RAD51B: variants seen among roughly 807,000 people sequenced by gnomAD.
The protein encoded by RAD51B is RAD51 paralog B.
A neutral mutation model predicts 42.2 loss-of-function variants in RAD51B; 38 were observed. The ratio of observed to expected loss-of-function variants is 0.90; its 90% CI spans 0.70 to 1.18. The LOEUF (loss-of-function observed/expected upper bound fraction) is 1.18, where lower values mean the gene tolerates loss of function less well. RAD51B is among the 50% of genes most tolerant of loss of function. The probability of loss-of-function intolerance (pLI) is 0.00; values close to 1 mark genes in which losing one functional copy is unlikely to be tolerated. For synonymous variants in RAD51B, 154 were observed against 145.2 expected, an observed-to-expected ratio of 1.06 and a Z score of -0.43; for missense variants, 373 against 400.7, an observed-to-expected ratio of 0.93 and a Z score of 0.59.
Position 68,095,971 on chromosome 14 carries a change from C to CAA in RAD51B, c.757-195889_757-195888dup, listed in dbSNP as rs56862052. On this transcript the variant is annotated intron_variant, in intron 7 of 10. Transcript: ENST00000471583. The stretch of plus-strand genomic sequence containing the variant: ...TGGGTGACAGAGTGAGACTCCGTCT[C>CAA]AAAAAAAAAAAAAAAAAAAAAAAAA... Among the ~76,000 whole-genome samples the CAA allele has an allele frequency of 8.8e-3, 549 of 62,126 alleles. 14 individuals carry two copies. Among genetic ancestry groups the CAA allele is most frequent in the African/African-American group, 0.015 (291 of 19,560 alleles). The allele number at this position is 62,126 out of a possible 152,430, so 40.8% of individuals were successfully genotyped here.
intron 8 of RAD51B, among the ~76,000 whole-genome samples, chr14:68,332,221 C>A (rs1163262478): frequency 1.3e-5 from 2 of 152,168 alleles, no homozygotes; most frequent in Non-Finnish European, 2.9e-5. Flanking sequence ...GTATTACCCA[C>A]CCATCCCCCA....
intron 7 of RAD51B, among the ~76,000 whole-genome samples, chr14:68,218,831 T>C (rs942444945): frequency 7.9e-5 from 12 of 152,188 alleles, no homozygotes; most frequent in African/African-American, 2.7e-4. Context: ...GGAGAGTGTA[T>C]ATATATTATC....
At chr14:68,178,253 G>A (rs564274793) in intron 7 of RAD51B, among the ~76,000 whole-genome samples, 8 of 152,250 alleles carry the variant, frequency 5.3e-5, no homozygotes, top group African/African-American at 1.9e-4. Context: ...TTGTTTTCCA[G>A]TGACCCAATT....
At chr14:68,428,759 ATATAT>A (rs2084922162) in intron 9 of RAD51B, among the ~76,000 whole-genome samples, 1 of 67,994 alleles carries the variant, frequency 1.5e-5, no homozygotes, top group African/African-American at 5.5e-5. Flanking sequence ...ATATATATAT[ATATAT>A]AATTATTATA....
chr14:68,555,238 T>A (rs1324857079), intron 10 of RAD51B, among the ~76,000 whole-genome samples: 1 of 152,256 alleles, frequency 6.6e-6, no homozygotes, highest in African/African-American at 2.4e-5. Context: ...CCCCTTGTTC[T>A]GTGTTAAATG....
chr14:68,253,326 C>T (rs1444352783), intron 7 of RAD51B, among the ~76,000 whole-genome samples: 1 of 151,832 alleles, frequency 6.6e-6, no homozygotes, highest in Non-Finnish European at 1.5e-5. Context: ...TTCCTCACAT[C>T]CTTCAACCTT....
chr14:68,564,253 C>T (rs750452369), intron 10 of RAD51B, among the ~76,000 whole-genome samples: 6 of 152,204 alleles, frequency 3.9e-5, no homozygotes, highest in Non-Finnish European at 8.8e-5. Flanking sequence ...AATATCCCTT[C>T]GGTACAAATC....
chr14:68,426,308 T>A (rs1319834533), intron 9 of RAD51B, among the ~76,000 whole-genome samples: 1 of 151,360 alleles, frequency 6.6e-6, no homozygotes, highest in Non-Finnish European at 1.5e-5. Flanking sequence ...ACTCCCGACC[T>A]CAGGTGATCC....
chr14:67,825,596 A>G lies in RAD51B; in HGVS notation c.198+19A>G. 1 of 1,534,224 alleles carries G rather than the reference A, an allele frequency of 6.5e-7. No individual in the cohort carries two copies. On this transcript the variant is annotated intron_variant, in intron 3 of 10. Coordinates refer to ENST00000471583, the MANE Select transcript of RAD51B (RefSeq NM_133510.4). ...GCAAACGGTATATTTATATTTTATT[A>G]TGATTTGATTATGAATGATTCCTCA...
intron 8 of RAD51B, among the ~76,000 whole-genome samples, chr14:68,373,129 C>T (rs1250093569): frequency 1.3e-5 from 2 of 152,214 alleles, no homozygotes; most frequent in Admixed American, 6.5e-5. Context: ...GCAAGTAGTA[C>T]TATAGTAATT....
At chr14:68,242,269 C>T (rs2080404264) in intron 7 of RAD51B, among the ~76,000 whole-genome samples, 1 of 152,188 alleles carries the variant, frequency 6.6e-6, no homozygotes, top group African/African-American at 2.4e-5. Flanking sequence ...TCAAGGTACG[C>T]TCCGTAGCTG....
chr14:67,885,126 C>T (rs1177503193), intron 5 of RAD51B, among the ~76,000 whole-genome samples: 1 of 152,162 alleles, frequency 6.6e-6, no homozygotes, highest in Non-Finnish European at 1.5e-5. Context: ...AAACTCAAAA[C>T]ATTTAAAATG....
chr14:68,383,663 GA>G (rs1211085728), intron 8 of RAD51B, among the ~76,000 whole-genome samples: 1 of 151,874 alleles, frequency 6.6e-6, no homozygotes, highest in Non-Finnish European at 1.5e-5. Context: ...AAAACACAAT[GA>G]ATTTCTACTT....
chr14:68,306,617 A>G (rs1028365476), intron 8 of RAD51B: 2 of 515,804 alleles, frequency 3.9e-6, no homozygotes, highest in African/African-American at 1.9e-5. Context: ...CATGGAAGAA[A>G]TATAACCTTG....
At chr14:68,529,028 G>A (rs1887109955) in intron 10 of RAD51B, among the ~76,000 whole-genome samples, 1 of 152,136 alleles carries the variant, frequency 6.6e-6, no homozygotes, top group South Asian at 2.1e-4. Context: ...TCTCTAGGTG[G>A]GTTATGTTGA....
intron 10 of RAD51B, among the ~76,000 whole-genome samples, chr14:68,475,218 G>A (rs1882462974): frequency 6.6e-6 from 1 of 152,122 alleles, no homozygotes; most frequent in South Asian, 2.1e-4. Context: ...ATTAATCTGG[G>A]TGGCCATATA....
intron 10 of RAD51B, among the ~76,000 whole-genome samples, chr14:68,648,622 C>T (rs61987117): frequency 0.017 from 2,495 of 147,284 alleles, 35 homozygotes; most frequent in Middle Eastern, 0.049. Context: ...TGAAGCTTAA[C>T]GAAGAATTTT....
At chr14:68,251,644 A>T (rs2080636643) in intron 7 of RAD51B, among the ~76,000 whole-genome samples, 1 of 152,202 alleles carries the variant, frequency 6.6e-6, no homozygotes, top group Non-Finnish European at 1.5e-5. Context: ...AGTTGCCTCC[A>T]TGTCTGCTGG....
intron 10 of RAD51B, among the ~76,000 whole-genome samples, chr14:68,620,681 CT>C (rs1010698090): frequency 6.6e-6 from 1 of 152,216 alleles, no homozygotes; most frequent in Non-Finnish European, 1.5e-5. Flanking sequence ...GACTGAAAGG[CT>C]TAAGGCCCTT....
Sources: gnomAD v4.1 joint callset for allele counts (sites outside exome capture counted in the v4.1 genomes callset) on GRCh38, gnomAD v4.1.1 for gene constraint, MANE v1.5 for transcripts, NCBI Gene and HGNC (gene_info 2026-07-23, HGNC 2026-07-21) for gene names.